The following ECPAS variants were observed in gnomAD, a reference collection of about 807,000 sequenced individuals.
ECPAS encodes the protein proteasome adapter and scaffold protein ECM29.
Under a neutral mutation model 255.1 loss-of-function variants are expected in ECPAS, and 70 were observed. That is an observed-to-expected ratio of 0.27 (90% confidence interval 0.23 to 0.33). The LOEUF is 0.33. ECPAS is among the 10% of genes least tolerant of loss of function. The probability of loss-of-function intolerance (pLI) is 1.00; values close to 1 mark genes in which losing one functional copy is unlikely to be tolerated. For missense variants in ECPAS, 1,817 were observed against 2,206.4 expected, an observed-to-expected ratio of 0.82 and a Z score of 3.54; for synonymous variants, 784 against 775.0, an observed-to-expected ratio of 1.01 and a Z score of -0.19.
chr9:111,430,532 A>G lies in ECPAS; in HGVS notation c.930+15T>C. 1.3e-6 allele frequency: 2 copies of G among 1,529,778 alleles called. No homozygotes were observed. Among genetic ancestry groups the G allele is most frequent in the Non-Finnish European group, 1.8e-6 (2 of 1,112,178 alleles). The allele number at this position is 1,529,778 out of a possible 1,614,324, so 94.8% of individuals were successfully genotyped here. A position where few individuals can be genotyped will look rare whatever the true frequency, so the allele number is the denominator to read the frequency against. On this transcript the variant is annotated intron_variant, in intron 9 of 49. Transcript: ENST00000684092. The stretch of plus-strand genomic sequence containing the variant: ...ACTTTTTACGCTGATGTGAGAATAA[A>G]TCAAAACAACCTACCTCTTTTGTCT...
At chr9:111,425,224 T>G (rs551233454) in intron 12 of ECPAS, among the ~76,000 whole-genome samples, 194 bp downstream of exon 12, 1 of 151,986 alleles carries the variant, frequency 6.6e-6, no homozygotes, top group African/African-American at 2.4e-5. Flanking sequence ...TCATATCAGT[T>G]TTTAACAGTT....
At chr9:111,404,354 T>C (rs1212242114) in intron 24 of ECPAS, among the ~76,000 whole-genome samples, 1 of 149,474 alleles carries the variant, frequency 6.7e-6, no homozygotes, top group African/African-American at 2.5e-5. Context: ...ACAAAAAAAT[T>C]ATTAGAACTG....
chr9:111,367,991 C>A (rs1235463065), intron 46 of ECPAS, among the ~76,000 whole-genome samples: 1 of 150,774 alleles, frequency 6.6e-6, no homozygotes, highest in Non-Finnish European at 1.5e-5. Flanking sequence ...GCAAGAACTG[C>A]ACCACTGCAC....
At chr9:111,375,056 T>C (rs2098131811) in intron 38 of ECPAS, 57 bp downstream of exon 38, 1 of 1,260,394 alleles carries the variant, frequency 7.9e-7, no homozygotes, top group Admixed American at 1.7e-5. Flanking sequence ...GGCTGTTATA[T>C]CCTTATGGCC....
At chr9:111,482,898 G>A (rs1023265644) in intron 1 of ECPAS, among the ~76,000 whole-genome samples, 1 of 152,144 alleles carries the variant, frequency 6.6e-6, no homozygotes, top group Non-Finnish European at 1.5e-5. Flanking sequence ...CGGGAAGGCT[G>A]CACCGCGTAC....
chr9:111,420,630 G>A (rs988008957), intron 15 of ECPAS, among the ~76,000 whole-genome samples: 1 of 152,170 alleles, frequency 6.6e-6, no homozygotes, highest in Non-Finnish European at 1.5e-5. Flanking sequence ...TTCAACTACA[G>A]AAATATATTC....
At chr9:111,403,538 G>T (rs1281620723) in intron 24 of ECPAS, among the ~76,000 whole-genome samples, 2 of 149,538 alleles carry the variant, frequency 1.3e-5, no homozygotes, top group Non-Finnish European at 2.9e-5. Flanking sequence ...AATGATAAAG[G>T]GCTCAATTCA....
chr9:111,440,333 A>C, intron 6 of ECPAS, 39 bp downstream of exon 6: 1 of 1,551,910 alleles, frequency 6.4e-7, no homozygotes. Context: ...CCGTAGTAAA[A>C]GCAGTCAAGA....
chr9:111,446,455 C>G (rs2131933898), intron 3 of ECPAS, among the ~76,000 whole-genome samples: 1 of 152,278 alleles, frequency 6.6e-6, no homozygotes, highest in Non-Finnish European at 1.5e-5. Context: ...AATTCGTGCT[C>G]TAGCCTCAAA....
At chr9:111,453,380 T>TA (rs1467313420) in intron 2 of ECPAS, among the ~76,000 whole-genome samples, 2 of 152,032 alleles carry the variant, frequency 1.3e-5, no homozygotes, top group East Asian at 3.9e-4. Context: ...AAAATGTCAA[T>TA]CTACATGAGT....
At chr9:111,429,110 C>T (rs1186217243) in intron 9 of ECPAS, among the ~76,000 whole-genome samples, 2 of 152,030 alleles carry the variant, frequency 1.3e-5, no homozygotes, top group Non-Finnish European at 2.9e-5. Context: ...TGTTGTTTTT[C>T]TTGAAGTAAC....
At chr9:111,362,742 G>A (rs1367020608) in intron 49 of ECPAS, among the ~76,000 whole-genome samples, 1 of 152,148 alleles carries the variant, frequency 6.6e-6, no homozygotes, top group African/African-American at 2.4e-5. Context: ...CTTCAGGCAA[G>A]TTTAGCTTGC....
chr9:111,378,586 T>C lies in ECPAS; in HGVS notation c.3948A>G (p.Gln1316=). 1 of 1,613,192 alleles carries C rather than the reference T, an allele frequency of 6.2e-7. No homozygotes were observed. The highest frequency in any genetic ancestry group is 8.5e-7 in the Non-Finnish European group (1 of 1,179,366). The change falls in exon 36 of 50, where the codon CAA becomes CAG. Residue 1316 remains glutamine, a synonymous_variant. Coordinates refer to ENST00000684092, the MANE Select transcript of ECPAS (RefSeq NM_001364929.1). ...GCCTGCGCTATCCACTCACCTTTTC[T>C]TGCTCTGTCGCCCGGAGGCTCAAAT... ...LNYLSLRATE[Q]EKAAMDSARL... is the part of the protein sequence containing the mutation.
At chr9:111,427,036 T>A (rs1589182733) in intron 10 of ECPAS, among the ~76,000 whole-genome samples, 1 of 147,482 alleles carries the variant, frequency 6.8e-6, no homozygotes. Context: ...TGAAACAGAC[T>A]TTTTTTTTAG....
chr9:111,388,003 A>G, intron 31 of ECPAS, among the ~76,000 whole-genome samples: 1 of 152,212 alleles, frequency 6.6e-6, no homozygotes, highest in East Asian at 1.9e-4. Context: ...ATGAAAGATG[A>G]GTTTTACTTT....
At chr9:111,442,446 A>G in intron 4 of ECPAS, 22 bp from the exon 5 acceptor site, 1 of 1,339,538 alleles carries the variant, frequency 7.5e-7, no homozygotes, top group Non-Finnish European at 1.1e-6. Context: ...AGAGAAAAGC[A>G]AGTGAGTGTG....
In ECPAS at chr9:111,410,029, A is replaced by G; in HGVS notation, c.2550+12T>C. The G allele has an allele frequency of 1.3e-6, 2 of 1,544,314 alleles. No individual in the cohort carries two copies. The highest frequency in any genetic ancestry group is 1.8e-6 in the Non-Finnish European group (2 of 1,142,106). The stretch of plus-strand genomic sequence containing the variant: ...GAATTCCAGAAAGGGAAAAAATAAG[A>G]AAAAAACTTACCTTATTTGTTTCTT... On this transcript the variant is annotated intron_variant, in intron 23 of 49. Coordinates refer to ENST00000684092, the MANE Select transcript of ECPAS (RefSeq NM_001364929.1).
At chr9:111,419,928 G>T in intron 16 of ECPAS, 89 bp downstream of exon 16, 3 of 970,150 alleles carry the variant, frequency 3.1e-6, no homozygotes, top group South Asian at 2.8e-5. Flanking sequence ...AAATTTCATA[G>T]ACCAACATTG....
intron 32 of ECPAS, 100 bp from the exon 33 acceptor site, chr9:111,385,542 G>A (rs796961704): frequency 1.7e-5 from 12 of 727,052 alleles, no homozygotes; most frequent in East Asian, 1.1e-4. Flanking sequence ...CCTCTAATTC[G>A]AGTTCTCATC....
Sources: gnomAD v4.1 joint callset for allele counts (sites outside exome capture counted in the v4.1 genomes callset) on GRCh38, gnomAD v4.1.1 for gene constraint, MANE v1.5 for transcripts, NCBI Gene and HGNC (gene_info 2026-07-23, HGNC 2026-07-21) for gene names.